The following TENM2 variants were observed in gnomAD, a reference collection of about 807,000 sequenced individuals.
TENM2 encodes the protein teneurin transmembrane protein 2.
Under a neutral mutation model 245.2 loss-of-function variants are expected in TENM2, and 52 were observed. The ratio of observed to expected loss-of-function variants is 0.21; its 90% CI spans 0.17 to 0.27. The LOEUF (loss-of-function observed/expected upper bound fraction) is 0.27, where lower values mean the gene tolerates loss of function less well. TENM2 is among the 10% of genes least tolerant of loss of function. TENM2 has a pLI of 1.00. For synonymous variants in TENM2, 1,363 were observed against 1,438.9 expected (o/e 0.95, Z 1.19); for missense variants, 3,046 against 3,666.8 (o/e 0.83, Z 4.37).
exon 3 of TENM2, chr5:167,876,129 G>C (rs896129835): frequency 6.0e-5 from 93 of 1,551,464 alleles, no homozygotes; most frequent in Non-Finnish European, 8.1e-5. Context: ...CAACCCTGAT[G>C]AGGAATTCTC....
At chr5:167,490,261 TA>T (rs1331682693) in intron 2 of TENM2, among the ~76,000 whole-genome samples, 1 of 152,184 alleles carries the variant, frequency 6.6e-6, no homozygotes, top group African/African-American at 2.4e-5. Context: ...TAAGTTTTTT[TA>T]AATAAACTTT....
At chr5:167,539,277 C>T (rs950709446) in intron 2 of TENM2, among the ~76,000 whole-genome samples, 2 of 152,122 alleles carry the variant, frequency 1.3e-5, no homozygotes, top group Non-Finnish European at 2.9e-5. Context: ...ATATTTATGA[C>T]TTGAATATTA....
At chr5:167,665,173 C>T (rs909997742) in intron 2 of TENM2, among the ~76,000 whole-genome samples, 5 of 152,108 alleles carry the variant, frequency 3.3e-5, no homozygotes, top group African/African-American at 1.2e-4. Context: ...GTTTCTTCTC[C>T]TGGACAAGGG....
chr5:167,510,453 C>G (rs1020396688), intron 2 of TENM2, among the ~76,000 whole-genome samples: 1 of 152,152 alleles, frequency 6.6e-6, no homozygotes, highest in Non-Finnish European at 1.5e-5. Flanking sequence ...AATGCCATTG[C>G]TCTTGGAAGA....
At chr5:167,673,224 G>A (rs920200879) in intron 2 of TENM2, among the ~76,000 whole-genome samples, 1 of 152,002 alleles carries the variant, frequency 6.6e-6, no homozygotes, top group African/African-American at 2.4e-5. Flanking sequence ...CAGGTTTGGG[G>A]CGATGGAAAA....
chr5:167,198,824 G>A, the TENM2 span, among the ~76,000 whole-genome samples: 1 of 152,004 alleles, frequency 6.6e-6, no homozygotes, highest in East Asian at 1.9e-4. Context: ...TAATAGCTTA[G>A]AGAAACAGCT....
the TENM2 span, among the ~76,000 whole-genome samples, chr5:167,168,759 T>A: frequency 2.6e-5 from 4 of 152,206 alleles, no homozygotes; most frequent in East Asian, 3.9e-4. Context: ...TTATTTTTTT[T>A]AATCAATTTA....
chr5:167,165,892 T>G, the TENM2 span, among the ~76,000 whole-genome samples: 1 of 152,198 alleles, frequency 6.6e-6, no homozygotes, highest in Non-Finnish European at 1.5e-5. Context: ...GGAAATTGTC[T>G]TGATGTGATG....
At chr5:167,381,358 T>G (rs1003503164) in intron 2 of TENM2, among the ~76,000 whole-genome samples, 1 of 152,176 alleles carries the variant, frequency 6.6e-6, no homozygotes, top group Non-Finnish European at 1.5e-5. Context: ...TGAGTAATGT[T>G]AAAGGAGTTT....
chr5:167,935,145 C>T (rs775126351), intron 3 of TENM2, among the ~76,000 whole-genome samples: 3 of 152,192 alleles, frequency 2.0e-5, no homozygotes, highest in East Asian at 1.9e-4. Context: ...GAAACAGAGG[C>T]GTGAAAAGAG....
At chr5:167,013,026 C>G in the TENM2 span, among the ~76,000 whole-genome samples, 1 of 152,058 alleles carries the variant, frequency 6.6e-6, no homozygotes, top group Non-Finnish European at 1.5e-5. Context: ...AAGATATGGG[C>G]AGGGGCCAGA....
At chr5:167,557,820 G>T (rs1297127210) in intron 2 of TENM2, among the ~76,000 whole-genome samples, 4 of 152,076 alleles carry the variant, frequency 2.6e-5, no homozygotes, top group African/African-American at 9.7e-5. Context: ...CCACAAGAGA[G>T]AATTATCTGG....
intron 5 of TENM2, among the ~76,000 whole-genome samples, chr5:168,002,145 G>C (rs796759904): frequency 1.1e-4 from 16 of 152,322 alleles, no homozygotes; most frequent in African/African-American, 3.8e-4. Flanking sequence ...TGGATGAGAA[G>C]AGAGGAGAAG....
chr5:167,371,673 A>G (rs571436542), intron 1 of TENM2, among the ~76,000 whole-genome samples: 8 of 151,878 alleles, frequency 5.3e-5, no homozygotes, highest in African/African-American at 9.7e-5. Context: ...TTCTTTTCCT[A>G]TGTAATATTT....
At chr5:167,146,831 A>T in the TENM2 span, among the ~76,000 whole-genome samples, 4 of 152,086 alleles carry the variant, frequency 2.6e-5, no homozygotes, top group Non-Finnish European at 5.9e-5. Flanking sequence ...CCTAAAATAA[A>T]TTTTCTTGGG....
chr5:167,196,537 C>T, the TENM2 span, among the ~76,000 whole-genome samples: 10,896 of 139,544 alleles, frequency 0.078, 1,466 homozygotes, highest in African/African-American at 0.28. Flanking sequence ...TGTGTGTGTA[C>T]ATATATGTGT....
chr5:167,580,036 T>G (rs1381572949), intron 2 of TENM2, among the ~76,000 whole-genome samples: 3 of 152,236 alleles, frequency 2.0e-5, no homozygotes, highest in African/African-American at 7.2e-5. Context: ...GGCTTGAAAC[T>G]GAATGGATTA....
chr5:167,709,712 A>G (rs938057873), intron 2 of TENM2, among the ~76,000 whole-genome samples: 3 of 152,198 alleles, frequency 2.0e-5, no homozygotes, highest in African/African-American at 7.2e-5. Flanking sequence ...ACGAAAGAAC[A>G]TGGCTGTTGA....
chr5:167,024,775 T>C, the TENM2 span, among the ~76,000 whole-genome samples: 6 of 152,274 alleles, frequency 3.9e-5, no homozygotes, highest in Non-Finnish European at 7.4e-5. Context: ...GACTGGACCA[T>C]GAAGGAGCAT....
Sources: gnomAD v4.1 joint callset for allele counts (sites outside exome capture counted in the v4.1 genomes callset) on GRCh38, gnomAD v4.1.1 for gene constraint, MANE v1.5 for transcripts, NCBI Gene and HGNC (gene_info 2026-07-23, HGNC 2026-07-21) for gene names.